Variants in SLC36A1 observed in about 807,000 individuals in gnomAD.
SLC36A1 encodes the protein proton-coupled amino acid transporter 1.
A neutral mutation model predicts 47.5 loss-of-function variants in SLC36A1; 30 were observed. That is an observed-to-expected ratio of 0.63 (90% CI 0.47 to 0.86). The LOEUF (loss-of-function observed/expected upper bound fraction) is 0.86. SLC36A1 is among the 40% of genes least tolerant of loss of function. The pLI, the probability that SLC36A1 is intolerant of heterozygous loss-of-function variation, is 0.00. For synonymous variants in SLC36A1, 255 were observed against 249.7 expected (o/e 1.02, Z -0.20); for missense variants, 517 against 606.0 (o/e 0.85, Z 1.54).
the SLC36A1 span, chr5:151,534,600 T>G: frequency 6.2e-7 from 1 of 1,613,962 alleles, no homozygotes; most frequent in East Asian, 2.2e-5. Context: ...GTTGAACACA[T>G]CCTTCCTTTC....
At chr5:151,554,542 C>G in the SLC36A1 span, 19 of 1,614,046 alleles carry the variant, frequency 1.2e-5, no homozygotes, top group African/African-American at 2.5e-4. Flanking sequence ...ACACAGGGCT[C>G]AGCCTCTCTG....
the SLC36A1 span, chr5:151,347,621 G>A: frequency 2.6e-6 from 2 of 757,358 alleles, no homozygotes; most frequent in Admixed American, 2.4e-5. Flanking sequence ...TCCCTGGAGG[G>A]CACCTCTTCC....
chr5:151,385,344 C>T, the SLC36A1 span, among the ~76,000 whole-genome samples: 1 of 152,212 alleles, frequency 6.6e-6, no homozygotes, highest in African/African-American at 2.4e-5. Flanking sequence ...CTCACTTACC[C>T]TTCCCACCTG....
chr5:151,475,388 G>C (rs1284568301), intron 8 of SLC36A1, among the ~76,000 whole-genome samples: 1 of 152,206 alleles, frequency 6.6e-6, no homozygotes, highest in African/African-American at 2.4e-5. Flanking sequence ...AACATCATTT[G>C]TTTTCAAGAT....
the SLC36A1 span, chr5:151,505,641 G>C: frequency 6.2e-7 from 1 of 1,614,140 alleles, no homozygotes; most frequent in South Asian, 1.1e-5. Context: ...GGGCACCCGG[G>C]GCTGGCCCTG....
At chr5:151,456,525 A>G (rs1307826955) in intron 1 of SLC36A1, among the ~76,000 whole-genome samples, 1 of 152,180 alleles carries the variant, frequency 6.6e-6, no homozygotes. Context: ...AGAGGTTACA[A>G]TGCTGGTATT....
the SLC36A1 span, chr5:151,414,620 G>T: frequency 6.6e-6 from 1 of 152,058 alleles, no homozygotes; most frequent in South Asian, 2.1e-4. Context: ...TTTGGATGGA[G>T]CTGCTTAAAA....
chr5:151,485,574 C>T lies in SLC36A1; in HGVS notation c.1160-2409C>T, dbSNP rs561836427. Among the ~76,000 whole-genome samples the T allele has an allele frequency of 3.7e-3, 556 of 152,314 alleles. 4 individuals carry two copies. The highest frequency in any genetic ancestry group is 5.7e-3 in the Non-Finnish European group (386 of 68,020). Reference sequence around the variant, plus strand: ...TCTCCCCTCCCTCTGCATTTCCTTGCCCATCAGGTCTGTGAGGTTATGGGC... The same window carrying T: ...TCTCCCCTCCCTCTGCATTTCCTTGTCCATCAGGTCTGTGAGGTTATGGGC... On this transcript the variant is annotated intron_variant, in intron 10 of 10. Coordinates refer to ENST00000243389, the MANE Select transcript of SLC36A1 (RefSeq NM_078483.4).
chr5:151,543,513 G>C, the SLC36A1 span: 1 of 1,614,192 alleles, frequency 6.2e-7, no homozygotes, highest in Admixed American at 1.7e-5. Flanking sequence ...TCTGCAGAGT[G>C]GCAATCTGGC....
chr5:151,465,030 T>C lies in SLC36A1; in HGVS notation c.324-44T>C, dbSNP rs764880411. On this transcript the variant is annotated intron_variant, in intron 4 of 10. Transcript: ENST00000243389. ...TTTTTGTTCTGTCATTGTCATTGTCTAATCCACGTGCTCTGTCCTTCCTCT... is the reference window on the plus strand; with the variant it reads ...TTTTTGTTCTGTCATTGTCATTGTCCAATCCACGTGCTCTGTCCTTCCTCT... 3 of 1,468,506 alleles carry C rather than the reference T, an allele frequency of 2.0e-6. No homozygotes were observed. The East Asian group carries it at 6.8e-5, about 33-fold the overall frequency. The allele number at this position is 1,468,506 out of a possible 1,614,324, so 91.0% of individuals were successfully genotyped here. A position where few individuals can be genotyped will look rare whatever the true frequency, so the allele number is the denominator to read the frequency against.
At chr5:151,493,910 G>C (rs1389448277), downstream of SLC36A1, among the ~76,000 whole-genome samples, 1 of 152,154 alleles carries the variant, frequency 6.6e-6, no homozygotes, top group Non-Finnish European at 1.5e-5. Context: ...TAGCTGACTT[G>C]TAGAAAACCA....
At chr5:151,439,667 AG>A (rs1199571289) in intron 1 of SLC36A1, among the ~76,000 whole-genome samples, 1 of 150,960 alleles carries the variant, frequency 6.6e-6, no homozygotes, top group Non-Finnish European at 1.5e-5. Context: ...AAAAAAGAAA[AG>A]AAAAAAAAAA....
chr5:151,447,033 A>C (rs1752966836), upstream of SLC36A1, among the ~76,000 whole-genome samples: 1 of 141,984 alleles, frequency 7.0e-6, no homozygotes, highest in African/African-American at 2.7e-5. Context: ...CTCTTGTGAC[A>C]GTTTTTGACT....
At chr5:151,476,829 T>C (rs1758122040) in intron 9 of SLC36A1, 73 bp downstream of exon 9, 2 of 1,550,856 alleles carry the variant, frequency 1.3e-6, no homozygotes, top group Non-Finnish European at 1.8e-6. Context: ...GTGTGGATTC[T>C]CCCTCTTACT....
chr5:151,372,515 T>C, the SLC36A1 span, among the ~76,000 whole-genome samples: 1 of 152,072 alleles, frequency 6.6e-6, no homozygotes, highest in Non-Finnish European at 1.5e-5. Context: ...ACAATTACAA[T>C]GCACTGCGTC....
the SLC36A1 span, among the ~76,000 whole-genome samples, chr5:151,409,533 A>C: frequency 6.6e-6 from 1 of 152,214 alleles, no homozygotes; most frequent in Non-Finnish European, 1.5e-5. Flanking sequence ...TGGAAACCAC[A>C]ACATACATGT....
intron 5 of SLC36A1, 66 bp downstream of exon 5, chr5:151,465,235 C>A: frequency 8.2e-7 from 1 of 1,219,974 alleles, no homozygotes; most frequent in Non-Finnish European, 1.2e-6. Flanking sequence ...TGGGGAGGTG[C>A]AACGTGGGAG....
chr5:151,469,700 C>T (rs1428867593), intron 7 of SLC36A1, among the ~76,000 whole-genome samples: 1 of 152,010 alleles, frequency 6.6e-6, no homozygotes, highest in Non-Finnish European at 1.5e-5. Context: ...AGACTCCCTT[C>T]CACAGTATTT....
intron 9 of SLC36A1, among the ~76,000 whole-genome samples, chr5:151,478,755 T>C (rs968125615): frequency 2.0e-5 from 3 of 152,168 alleles, no homozygotes; most frequent in African/African-American, 7.2e-5. Flanking sequence ...GTTTCTTTTT[T>C]GTTTGTTTGT....
Sources: allele counts gnomAD v4.1 joint callset (sites outside exome capture counted in the v4.1 genomes callset), GRCh38; gene constraint gnomAD v4.1.1; transcripts MANE v1.5; gene names NCBI Gene and HGNC (gene_info 2026-07-23, HGNC 2026-07-21).